FGF12: variants seen among roughly 807,000 people sequenced by gnomAD.
FGF12 encodes fibroblast growth factor 12B.
FGF12 carries 14 observed loss-of-function variants against 23.6 expected under a neutral mutation model. The observed-to-expected ratio is 0.59, with a 90% CI of 0.39 to 0.93. FGF12 has a LOEUF of 0.93. Among genes scored for constraint, FGF12 ranks in the 40% least tolerant of loss-of-function variants. FGF12 has a pLI of 0.00. For synonymous variants in FGF12, 62 were observed against 77.3 expected (o/e 0.80, Z 1.04); for missense variants, 175 against 217.8 (o/e 0.80, Z 1.24).
At chr3:192,185,920 A>G (rs2108640327) in intron 4 of FGF12, among the ~76,000 whole-genome samples, 1 of 152,314 alleles carries the variant, frequency 6.6e-6, no homozygotes, top group Admixed American at 6.5e-5. Flanking sequence ...ATAACCATTT[A>G]ATTTTTCAGA....
At chr3:192,724,302 T>C (rs534949400) in intron 2 of FGF12, among the ~76,000 whole-genome samples, 1 of 152,304 alleles carries the variant, frequency 6.6e-6, no homozygotes, top group African/African-American at 2.4e-5. Context: ...ACATTTTGAC[T>C]ATCAAGAGTC....
intron 5 of FGF12, among the ~76,000 whole-genome samples, chr3:192,157,081 G>C (rs67024196): frequency 0.17 from 26,601 of 152,172 alleles, 2,363 homozygotes; most frequent in Admixed American, 0.21. Flanking sequence ...ACAAGGACAA[G>C]CAGGTTTCTA....
rs1189307252 is a variant in FGF12 at position 192,514,448 on chromosome 3, C to T, written c.14-153910G>A. On this transcript the variant is annotated intron_variant, in intron 2 of 5. Transcript: ENST00000445105. This position sits in a 1 kb window ranked among gnomAD's most constrained non-coding sequence, Gnocchi z 4.9. ...GGCGCGCCCGGCGAAAGCCAACGCGCTCTCCCTACAAAGCGTCGATGACTT... is the reference window on the plus strand; with the variant it reads ...GGCGCGCCCGGCGAAAGCCAACGCGTTCTCCCTACAAAGCGTCGATGACTT... Among the ~76,000 whole-genome samples, 1 of 152,202 alleles carries T rather than the reference C, an allele frequency of 6.6e-6. No individual in the cohort carries two copies. The highest frequency in any genetic ancestry group is 6.5e-5 in the Admixed American group (1 of 15,282).
chr3:192,479,548 T>C (rs1723421741), intron 2 of FGF12, among the ~76,000 whole-genome samples: 1 of 152,200 alleles, frequency 6.6e-6, no homozygotes, highest in Admixed American at 6.5e-5. Flanking sequence ...CAGACTCTCC[T>C]ATCTTCCTTA....
intron 4 of FGF12, among the ~76,000 whole-genome samples, chr3:192,269,421 A>T (rs1428869753): frequency 1.3e-5 from 2 of 152,194 alleles, no homozygotes; most frequent in African/African-American, 4.8e-5. Context: ...AGTACTGGTT[A>T]AATGTGAACT....
At chr3:192,525,538 A>G (rs1392748685) in intron 2 of FGF12, among the ~76,000 whole-genome samples, 1 of 152,188 alleles carries the variant, frequency 6.6e-6, no homozygotes, top group African/African-American at 2.4e-5. Context: ...TTGCCTAATT[A>G]CTACAACATA....
chr3:192,606,160 C>T (rs1007150128), intron 2 of FGF12, among the ~76,000 whole-genome samples: 37 of 152,130 alleles, frequency 2.4e-4, no homozygotes, highest in African/African-American at 7.0e-4. Context: ...AGAAAATGTG[C>T]CACATATATG....
At chr3:192,279,184 T>C (rs1401638640) in intron 4 of FGF12, among the ~76,000 whole-genome samples, 2 of 150,392 alleles carry the variant, frequency 1.3e-5, no homozygotes, top group African/African-American at 4.9e-5. Context: ...AATGATCAGT[T>C]TGTATACTGA....
At chr3:192,302,628 C>T (rs74917909) in intron 4 of FGF12, among the ~76,000 whole-genome samples, 2 of 152,204 alleles carry the variant, frequency 1.3e-5, no homozygotes, top group African/African-American at 2.4e-5. Flanking sequence ...AGTCATTCAA[C>T]GGGCTCAGAA....
At chr3:192,698,781 A>G (rs1490839869) in intron 2 of FGF12, among the ~76,000 whole-genome samples, 2 of 152,198 alleles carry the variant, frequency 1.3e-5, no homozygotes, top group African/African-American at 2.4e-5. Context: ...ATACTTGCCA[A>G]TGATGGTCAA....
intron 4 of FGF12, among the ~76,000 whole-genome samples, chr3:192,222,446 T>G (rs1056608258): frequency 6.6e-6 from 1 of 152,128 alleles, no homozygotes; most frequent in Non-Finnish European, 1.5e-5. Context: ...CCAGATTAAT[T>G]TTTTCATTGT....
chr3:192,326,725 AT>A (rs1161031295), intron 4 of FGF12, among the ~76,000 whole-genome samples: 2 of 152,222 alleles, frequency 1.3e-5, no homozygotes, highest in African/African-American at 4.8e-5. Flanking sequence ...TTTTTATATT[AT>A]GTTGGAACAC....
chr3:192,727,236 C>T lies in FGF12; in HGVS notation c.-43G>A, dbSNP rs923991533. 29 of 1,569,010 alleles carry T rather than the reference C, an allele frequency of 1.8e-5. No homozygotes were observed. The highest frequency in any genetic ancestry group is 7.1e-5 in the East Asian group (3 of 42,412). The stretch of plus-strand genomic sequence containing the variant: ...GCTGGGAAGTTCAATGGAAGTTGGC[C>T]GGAAGATGTGGGCCCGCTTCAGATT... On this transcript the variant is annotated 5_prime_UTR_variant, in exon 2 of 6. Coordinates refer to ENST00000445105, the MANE Select transcript of FGF12 (RefSeq NM_004113.6).
chr3:192,290,831 A>G (rs528586568), intron 4 of FGF12, among the ~76,000 whole-genome samples: 2 of 152,320 alleles, frequency 1.3e-5, no homozygotes, highest in East Asian at 3.9e-4. Flanking sequence ...CTTGTTAATA[A>G]CAATATAGGA....
intron 4 of FGF12, among the ~76,000 whole-genome samples, chr3:192,182,368 G>T (rs1336869898): frequency 6.6e-6 from 1 of 151,950 alleles, no homozygotes; most frequent in Non-Finnish European, 1.5e-5. Flanking sequence ...TACTAATAGG[G>T]TTTTATTTCA....
intron 3 of FGF12, among the ~76,000 whole-genome samples, chr3:192,348,717 G>T (rs987349666): frequency 6.6e-6 from 1 of 152,100 alleles, no homozygotes; most frequent in Non-Finnish European, 1.5e-5. Context: ...CTGGGTGAAG[G>T]TATTAACATT....
chr3:192,601,619 G>T (rs571099015), intron 2 of FGF12, among the ~76,000 whole-genome samples: 88 of 152,218 alleles, frequency 5.8e-4, no homozygotes, highest in Non-Finnish European at 1.1e-3. Flanking sequence ...GGTTAGTGAA[G>T]ATGGGGAGAT....
chr3:192,455,969 T>C (rs1722670328), intron 2 of FGF12, among the ~76,000 whole-genome samples: 2 of 152,178 alleles, frequency 1.3e-5, no homozygotes, highest in Admixed American at 1.3e-4. Context: ...AAGTGGGGCC[T>C]TGCAGAGGTG....
At chr3:192,661,210 A>G (rs1045359623) in intron 2 of FGF12, among the ~76,000 whole-genome samples, 15 of 152,262 alleles carry the variant, frequency 9.9e-5, no homozygotes, top group Admixed American at 5.2e-4. Flanking sequence ...TTGGAAAAGA[A>G]CAAAACTGGC....
Sources: allele counts gnomAD v4.1 joint callset (sites outside exome capture counted in the v4.1 genomes callset), GRCh38; gene constraint gnomAD v4.1.1; non-coding constraint Gnocchi (gnomAD v3.1); transcripts MANE v1.5; gene names NCBI Gene and HGNC (gene_info 2026-07-23, HGNC 2026-07-21).